ALAD: variants seen among roughly 807,000 people sequenced by gnomAD.
ALAD encodes the protein delta-aminolevulinic acid dehydratase.
In ALAD, 20 loss-of-function variants were observed where a neutral mutation model predicts 44.4. That is an observed-to-expected ratio of 0.45 (90% CI 0.32 to 0.65). The LOEUF (loss-of-function observed/expected upper bound fraction) is 0.65. Ranked by LOEUF, ALAD falls within the 30% of genes least tolerant of loss-of-function variation. The pLI is 0.05. For missense variants in ALAD, 323 were observed against 445.7 expected, an observed-to-expected ratio of 0.72 and a Z score of 2.48; for synonymous variants, 156 against 167.9, an observed-to-expected ratio of 0.93 and a Z score of 0.55.
Position 113,390,825 on chromosome 9 carries a change from A to T in ALAD, c.370T>A (p.Cys124Ser). The T allele has an allele frequency of 6.2e-7, 1 of 1,613,166 alleles. No individual in the cohort carries two copies. Among genetic ancestry groups the T allele is most frequent in the Non-Finnish European group, 8.5e-7 (1 of 1,179,638 alleles). Residue 124 changes from cysteine (C) to serine (S), a missense_variant, in exon 5 of 12, where the codon TGT becomes AGT. Cys to Ser is a moderately radical substitution (Grantham distance 112, BLOSUM62 -1). Transcript: ENST00000409155. ...CAGTGACCATGGGAGGTGTAGGGAC[A>T]CAGGCAGACATCACAGGCCACCAGG... ...NLLVACDVCL[C>S]PYTSHGHCGL... is the part of the protein sequence containing the mutation.
At position 113,392,832 on chromosome 9, in the gene ALAD, TTTTGAGATGGAG is replaced by T. The variant is rs1403930150; in HGVS notation, c.113+603_113+614del. Among the ~76,000 whole-genome samples, 367 of 150,164 alleles carry T rather than the reference TTTTGAGATGGAG, an allele frequency of 2.4e-3. 2 individuals are homozygous for T. Among genetic ancestry groups the T allele is most frequent in the African/African-American group, 8.4e-3 (342 of 40,568 alleles). ...TGCCATCTCTTTTTTTTTTTTTTTT[TTTTGAGATGGAG>T]TCTGGCTCCGTCGCCCAGGCTGGAG... On this transcript the variant is annotated intron_variant, in intron 2 of 11. Transcript: ENST00000409155.
chr9:113,389,395 G>T, intron 10 of ALAD, 43 bp downstream of exon 10: 2 of 1,605,586 alleles, frequency 1.2e-6, no homozygotes, highest in Non-Finnish European at 1.7e-6. Context: ...GGAAAACTCT[G>T]TCCCAGCCCC....
intron 2 of ALAD, 36 bp downstream of exon 2, chr9:113,393,411 G>A: frequency 1.6e-6 from 2 of 1,217,176 alleles, no homozygotes; most frequent in Non-Finnish European, 2.4e-6. Context: ...ACCCCAACCA[G>A]CAGAGCAGAG....
At chr9:113,393,263 G>A in intron 2 of ALAD, 184 bp downstream of exon 2, 1 of 628,610 alleles carries the variant, frequency 1.6e-6, no homozygotes, top group Non-Finnish European at 2.9e-6. Flanking sequence ...TTCTTTCAAA[G>A]TTTGTTTTGT....
Position 113,392,815 on chromosome 9 carries a change from C to CTTT in ALAD, c.113+629_113+631dup, listed in dbSNP as rs34148636. On this transcript the variant is annotated intron_variant, in intron 2 of 11. Coordinates refer to ENST00000409155, the MANE Select transcript of ALAD (RefSeq NM_000031.6). ...TTATTAACAATCACGATTGCCATCT[C>CTTT]TTTTTTTTTTTTTTTTTTTTGAGAT... Among the ~76,000 whole-genome samples, 292 of 113,016 alleles carry CTTT rather than the reference C, an allele frequency of 2.6e-3. 2 individuals are homozygous for CTTT. Among genetic ancestry groups the CTTT allele is most frequent in the Non-Finnish European group, 3.1e-3 (176 of 57,520 alleles). The allele number at this position is 113,016 out of a possible 152,430, so 74.1% of individuals were successfully genotyped here.
At chr9:113,391,996 A>G (rs2118993606) in intron 3 of ALAD, 123 bp downstream of exon 3, 1 of 1,007,034 alleles carries the variant, frequency 9.9e-7, no homozygotes, top group Non-Finnish European at 1.5e-6. Flanking sequence ...CCTTTCCTCT[A>G]CTGAGCTAAT....
At position 113,388,222 on chromosome 9, in the gene ALAD, C is replaced by T. The variant is rs1044636201; in HGVS notation, c.*78G>A. On this transcript the variant is annotated 3_prime_UTR_variant, in exon 12 of 12. Transcript: ENST00000409155. ...CATGAGGGCACAGTTCTAAAAGCAG[C>T]ATTTACTTTGGTTTTCACTTGTCTG... 1 of 1,440,968 alleles carries T rather than the reference C, an allele frequency of 6.9e-7. No individual in the cohort carries two copies. Among genetic ancestry groups the T allele is most frequent in the Non-Finnish European group, 9.8e-7 (1 of 1,022,622 alleles). The allele number at this position is 1,440,968 out of a possible 1,614,324, so 89.3% of individuals were successfully genotyped here.
Position 113,388,176 on chromosome 9 carries a change from A to G in ALAD, c.*124T>C. 9.6e-7 allele frequency: 1 copy of G among 1,039,958 alleles called. No individual in the cohort carries two copies. The highest frequency in any genetic ancestry group is 1.5e-6 in the Non-Finnish European group (1 of 666,336). The allele number at this position is 1,039,958 out of a possible 1,614,324, so 64.4% of individuals were successfully genotyped here. A position where few individuals can be genotyped will look rare whatever the true frequency, so the allele number is the denominator to read the frequency against. On this transcript the variant is annotated 3_prime_UTR_variant, in exon 12 of 12. Transcript: ENST00000409155. ...CCACCCAGGGCTGCTGGGCCCCGCT[A>G]GCATGTGAGCAGGAAGAGGGCATGA...
chr9:113,390,424 G>A lies in ALAD; in HGVS notation c.551C>T (p.Ala184Val). The change falls in exon 7 of 12, where the codon GCA becomes GTA. Residue 184 changes from alanine (A) to valine (V), a missense_variant. Coordinates refer to ENST00000409155, the MANE Select transcript of ALAD (RefSeq NM_000031.6). The part of the protein sequence containing the change: ...RVEAIKEALM[A>V]HGLGNRVSVM... Reference sequence around the variant, plus strand: ...CCTTACCCTGTTGCCAAGTCCATGTGCCATCAGGGCCTCTTTGATGGCTTC... The same window carrying A: ...CCTTACCCTGTTGCCAAGTCCATGTACCATCAGGGCCTCTTTGATGGCTTC... 6.2e-7 allele frequency: 1 copy of A among 1,614,052 alleles called. No individual in the cohort carries two copies. Among genetic ancestry groups the A allele is most frequent in the Non-Finnish European group, 8.5e-7 (1 of 1,180,008 alleles).
intron 1 of ALAD, among the ~76,000 whole-genome samples, chr9:113,398,605 G>A (rs967227050): frequency 2.6e-5 from 4 of 152,184 alleles, no homozygotes; most frequent in Non-Finnish European, 5.9e-5. Flanking sequence ...GGCTGTCAGT[G>A]CTGAAAATAT....
At chr9:113,390,570 A>C (rs1416742108) in intron 6 of ALAD, 23 bp downstream of exon 6, 1 of 1,613,844 alleles carries the variant, frequency 6.2e-7, no homozygotes, top group Non-Finnish European at 8.5e-7. Flanking sequence ...AGAGGTGCCC[A>C]TCCCTGCTGG....
intron 1 of ALAD, chr9:113,396,163 T>G (rs1212823643): frequency 2.0e-5 from 3 of 152,116 alleles, no homozygotes; most frequent in African/African-American, 4.8e-5. Context: ...GCCATTGCAC[T>G]CCAGCATGGG....
At chr9:113,392,204 T>G (rs779344869) in intron 2 of ALAD, 35 bp from the exon 3 acceptor site, 1 of 1,613,672 alleles carries the variant, frequency 6.2e-7, no homozygotes, top group South Asian at 1.1e-5. Flanking sequence ...GATTGGTAGC[T>G]GTGGGAAGGG....
rs1192317658 is a variant in ALAD at position 113,390,944 on chromosome 9, G to T, written c.262-11C>A. 1 of 1,614,010 alleles carries T rather than the reference G, an allele frequency of 6.2e-7. No homozygotes were observed. The highest frequency in any genetic ancestry group is 1.7e-5 in the Admixed American group (1 of 60,036). The stretch of plus-strand genomic sequence containing the variant: ...GGAACCCCGCTCGTCCTAGGGGCAG[G>T]GGAGGGACAAAGCAGTGTGTCTATT... On this transcript the variant is annotated splice_polypyrimidine_tract_variant and intron_variant, in intron 4 of 11. Transcript: ENST00000409155.
At position 113,389,762 on chromosome 9, in the gene ALAD, C is replaced by A; in HGVS notation, c.626+11G>T. ...GGGATTCACAGCAGACCCCTGCCCA[C>A]CCCTGCTCACCGGAAAGGGCCATAG... On this transcript the variant is annotated intron_variant, in intron 8 of 11. Coordinates refer to ENST00000409155, the MANE Select transcript of ALAD (RefSeq NM_000031.6). 1.2e-6 allele frequency: 2 copies of A among 1,614,236 alleles called. No individual in the cohort carries two copies. Among genetic ancestry groups the A allele is most frequent in the Non-Finnish European group, 1.7e-6 (2 of 1,180,042 alleles).
intron 1 of ALAD, among the ~76,000 whole-genome samples, chr9:113,395,702 G>A (rs757429092): frequency 3.9e-5 from 6 of 152,204 alleles, no homozygotes; most frequent in Non-Finnish European, 8.8e-5. Context: ...TGAGTGCATG[G>A]AGCCTGACCA....
At chr9:113,396,735 G>C (rs1331680766) in intron 1 of ALAD, 1 of 153,358 alleles carries the variant, frequency 6.5e-6, no homozygotes, top group Non-Finnish European at 1.5e-5. Flanking sequence ...GGGCAGAGAA[G>C]GAAGGGGCGT....
At position 113,388,264 on chromosome 9, in the gene ALAD, TTAAAG is replaced by T. The variant is rs777081320; in HGVS notation, c.*31_*35del. On this transcript the variant is annotated 3_prime_UTR_variant, in exon 12 of 12. Transcript: ENST00000409155. ...ACTTGTCTGAGGCCCCGGGAACGTT[TTAAAG>T]TTCTAGTTCTTGGGCCTGGCACTGT... The T allele has an allele frequency of 6.0e-5, 96 of 1,611,440 alleles. No individual in the cohort carries two copies. Among genetic ancestry groups the T allele is most frequent in the Non-Finnish European group, 7.6e-5 (90 of 1,177,706 alleles).
chr9:113,394,039 A>G (rs1455392516), intron 1 of ALAD, among the ~76,000 whole-genome samples: 3 of 151,206 alleles, frequency 2.0e-5, no homozygotes, highest in Admixed American at 2.0e-4. Flanking sequence ...CCCGGGCTCA[A>G]CTGTTTCTCC....
Sources: allele counts gnomAD v4.1 joint callset (sites outside exome capture counted in the v4.1 genomes callset), GRCh38; gene constraint gnomAD v4.1.1; transcripts MANE v1.5; gene names NCBI Gene and HGNC (gene_info 2026-07-23, HGNC 2026-07-21).